KCNIP4: variants seen among roughly 807,000 people sequenced by gnomAD.
KCNIP4 encodes Kv channel-interacting protein 4.
In KCNIP4, 12 loss-of-function variants were observed where a neutral mutation model predicts 34.0. The observed-to-expected ratio is 0.35, with a 90% CI of 0.23 to 0.57. KCNIP4 has a LOEUF of 0.57. Among genes scored for constraint, KCNIP4 ranks in the 20% least tolerant of loss-of-function variants. The probability of loss-of-function intolerance (pLI) is 0.83; values close to 1 mark genes in which losing one functional copy is unlikely to be tolerated. For missense variants in KCNIP4, 238 were observed against 311.7 expected (o/e 0.76, Z 1.78); for synonymous variants, 124 against 102.2 (o/e 1.21, Z -1.29).
At position 21,183,605 on chromosome 4, in the gene KCNIP4, C is replaced by T. The variant is rs113841055; in HGVS notation, c.62-300896G>A. 6.6e-5 allele frequency among the ~76,000 whole-genome samples: 10 copies of T among 151,908 alleles called. 1 individual carries two copies. The highest frequency in any genetic ancestry group is 2.4e-4 in the African/African-American group (10 of 41,460). On this transcript the variant is annotated intron_variant, in intron 1 of 8. Transcript: ENST00000382152. Reference sequence around the variant, plus strand: ...TTTCCACCAAAAGTGTACTAGGGTCCTCCTTTTTTCCACATATCTGCCAGT... The same window carrying T: ...TTTCCACCAAAAGTGTACTAGGGTCTTCCTTTTTTCCACATATCTGCCAGT...
In KCNIP4 at chr4:21,504,504, A is replaced by AAAGAAAGAAAGAAAGG. The variant is rs1451213413; in HGVS notation, c.61+444066_61+444067insCCTTTCTTTCTTTCTT. 8.5e-4 allele frequency among the ~76,000 whole-genome samples: 113 copies of AAAGAAAGAAAGAAAGG among 133,586 alleles called. 2 individuals carry two copies. In the East Asian group the frequency reaches 0.011, roughly 13 times the overall value. The allele number at this position is 133,586 out of a possible 152,430, so 87.6% of individuals were successfully genotyped here. A position where few individuals can be genotyped will look rare whatever the true frequency, so the allele number is the denominator to read the frequency against. On this transcript the variant is annotated intron_variant, in intron 1 of 8. Transcript: ENST00000382152. ...GAAAGAAAGAAAGAAAGAAAGAAAG[A>AAAGAAAGAAAGAAAGG]AAGGAAGGAAGGAAGAAAGCAAGCA...
intron 1 of KCNIP4, among the ~76,000 whole-genome samples, chr4:21,010,852 T>C (rs779668843): frequency 1.1e-4 from 16 of 152,312 alleles, no homozygotes; most frequent in Non-Finnish European, 5.9e-5. Context: ...CACTTGGATT[T>C]TTATTTGAAA....
At chr4:21,041,597 C>A (rs1351865380) in intron 1 of KCNIP4, among the ~76,000 whole-genome samples, 1 of 152,204 alleles carries the variant, frequency 6.6e-6, no homozygotes, top group Non-Finnish European at 1.5e-5. Context: ...TAAAATTTCA[C>A]TTTCTTTGTT....
chr4:21,613,388 T>A (rs897965452), intron 1 of KCNIP4: 1 of 152,170 alleles, frequency 6.6e-6, no homozygotes, highest in East Asian at 1.9e-4. Flanking sequence ...GCAGTTTACA[T>A]GGAGAAAAAC....
intron 1 of KCNIP4, among the ~76,000 whole-genome samples, chr4:21,087,214 C>A (rs1420396670): frequency 3.8e-5 from 5 of 133,126 alleles, no homozygotes; most frequent in African/African-American, 1.1e-4. Flanking sequence ...TCTTGCTCTG[C>A]CACCCAGGCT....
At chr4:20,854,301 T>C (rs1721348322) in intron 2 of KCNIP4, among the ~76,000 whole-genome samples, 1 of 152,214 alleles carries the variant, frequency 6.6e-6, no homozygotes, top group African/African-American at 2.4e-5. Context: ...AATGGAATAC[T>C]ACTCAGCCAC....
At chr4:21,439,636 A>G (rs1301623119) in intron 1 of KCNIP4, among the ~76,000 whole-genome samples, 4 of 152,196 alleles carry the variant, frequency 2.6e-5, no homozygotes, top group Admixed American at 2.6e-4. Context: ...TTCCTGATCA[A>G]TGGGACTGAC....
At chr4:21,509,569 A>G (rs1360110909) in intron 1 of KCNIP4, among the ~76,000 whole-genome samples, 2 of 152,146 alleles carry the variant, frequency 1.3e-5, no homozygotes, top group East Asian at 3.9e-4. Flanking sequence ...GCCTGATACC[A>G]TTAATATACC....
At chr4:21,767,235 ACAGT>A (rs1196890627) in intron 1 of KCNIP4, among the ~76,000 whole-genome samples, 5 of 152,102 alleles carry the variant, frequency 3.3e-5, no homozygotes, top group African/African-American at 7.2e-5. Context: ...GGAGGAGGAG[ACAGT>A]CAGATCACAC....
At chr4:21,074,769 G>A (rs1195315921) in intron 1 of KCNIP4, among the ~76,000 whole-genome samples, 1 of 152,058 alleles carries the variant, frequency 6.6e-6, no homozygotes, top group Admixed American at 6.6e-5. Flanking sequence ...TCTCTTGTGG[G>A]CATTTAGTGC....
At chr4:21,126,730 CATG>C (rs1750653312) in intron 1 of KCNIP4, among the ~76,000 whole-genome samples, 1 of 151,792 alleles carries the variant, frequency 6.6e-6, no homozygotes, top group African/African-American at 2.4e-5. Context: ...TCATTTTACT[CATG>C]AGAAAACCAA....
At chr4:20,892,246 G>A (rs909729577) in intron 1 of KCNIP4, among the ~76,000 whole-genome samples, 1 of 152,184 alleles carries the variant, frequency 6.6e-6, no homozygotes, top group Non-Finnish European at 1.5e-5. Flanking sequence ...ACTAGAAGGT[G>A]CTTGAATTTG....
At chr4:21,119,225 G>T (rs1749935077) in intron 1 of KCNIP4, among the ~76,000 whole-genome samples, 1 of 152,062 alleles carries the variant, frequency 6.6e-6, no homozygotes, top group Non-Finnish European at 1.5e-5. Flanking sequence ...GACCAGGAAA[G>T]ATGAGAATTT....
chr4:21,647,172 T>A (rs779369967), intron 1 of KCNIP4, among the ~76,000 whole-genome samples: 28 of 152,112 alleles, frequency 1.8e-4, no homozygotes, highest in Non-Finnish European at 3.8e-4. Flanking sequence ...TTATCTTATA[T>A]CTTAATTATA....
intron 1 of KCNIP4, among the ~76,000 whole-genome samples, chr4:21,308,982 C>T (rs1160704908): frequency 6.6e-6 from 1 of 152,106 alleles, no homozygotes; most frequent in Non-Finnish European, 1.5e-5. Context: ...TAGAGACACT[C>T]TTACTTTTGC....
At chr4:20,911,537 T>C (rs1020015300) in intron 1 of KCNIP4, among the ~76,000 whole-genome samples, 31 of 152,200 alleles carry the variant, frequency 2.0e-4, no homozygotes, top group African/African-American at 6.5e-4. Context: ...TAATAGTTTT[T>C]GCAACTTTAA....
intron 1 of KCNIP4, among the ~76,000 whole-genome samples, chr4:21,093,915 T>C (rs1388168193): frequency 6.6e-6 from 1 of 151,988 alleles, no homozygotes; most frequent in Admixed American, 6.6e-5. Flanking sequence ...ACCCCATCTC[T>C]ACTAAAAATA....
intron 1 of KCNIP4, among the ~76,000 whole-genome samples, chr4:20,909,537 G>T (rs953544667): frequency 2.6e-5 from 4 of 152,074 alleles, no homozygotes; most frequent in African/African-American, 9.7e-5. Flanking sequence ...CTTCCATTAG[G>T]GAGCTTGGAG....
rs1297245358 is a variant in KCNIP4, at chr4:21,234,225, CATATATAACAT to C, written c.62-351527_62-351517del. On this transcript the variant is annotated intron_variant, in intron 1 of 8. Transcript: ENST00000382152. ...CATATATAACGTATATTATATATAA[CATATATAACAT>C]ATATATAACATATATTATATATAAC... 6.8e-3 allele frequency among the ~76,000 whole-genome samples: 266 copies of C among 39,090 alleles called. 16 individuals carry two copies. Among genetic ancestry groups the C allele is most frequent in the Middle Eastern group, 0.042 (1 of 24 alleles). The allele number at this position is 39,090 out of a possible 152,430, so 25.6% of individuals were successfully genotyped here.
Sources: gnomAD v4.1 joint callset for allele counts (sites outside exome capture counted in the v4.1 genomes callset) on GRCh38, gnomAD v4.1.1 for gene constraint, MANE v1.5 for transcripts, NCBI Gene and HGNC (gene_info 2026-07-23, HGNC 2026-07-21) for gene names.